CPNE8: variants seen among roughly 807,000 people sequenced by gnomAD.
CPNE8 encodes copine-8.
CPNE8 carries 45 observed loss-of-function variants against 81.5 expected under a neutral mutation model. That is an observed-to-expected ratio of 0.55 (90% CI 0.44 to 0.71). The LOEUF is 0.71. Among genes scored for constraint, CPNE8 ranks in the 30% least tolerant of loss-of-function variants. CPNE8 has a pLI of 0.00. For synonymous variants in CPNE8, 252 were observed against 226.3 expected (o/e 1.11, Z -1.02); for missense variants, 594 against 672.1 (o/e 0.88, Z 1.28).
intron 6 of CPNE8, among the ~76,000 whole-genome samples, chr12:38,807,690 G>C (rs1231041203): frequency 6.6e-6 from 1 of 151,008 alleles, no homozygotes; most frequent in Non-Finnish European, 1.5e-5. Context: ...ACATAGGCAT[G>C]GGCAAGGACT....
intron 1 of CPNE8, among the ~76,000 whole-genome samples, chr12:38,897,659 G>T (rs1055717636): frequency 2.0e-5 from 3 of 150,262 alleles, no homozygotes; most frequent in Non-Finnish European, 4.4e-5. Context: ...ATTGTATTAT[G>T]TATTATATAT....
intron 6 of CPNE8, among the ~76,000 whole-genome samples, chr12:38,807,513 A>T (rs907518797): frequency 6.6e-6 from 1 of 150,720 alleles, no homozygotes; most frequent in Non-Finnish European, 1.5e-5. Flanking sequence ...AGGATTCCCT[A>T]TTTAATAAAT....
At position 38,757,144 on chromosome 12, in the gene CPNE8, G is replaced by A. The variant is rs1051261682; in HGVS notation, c.722+3703C>T. ...AAAAAACATCCACTGAGCAAATAAT[G>A]TTTTTTAATAAGAAGAATTAAAAGT... is the stretch of plus-strand genomic sequence containing the variant. On this transcript the variant is annotated intron_variant, in intron 10 of 19. Transcript: ENST00000331366. 2.0e-5 allele frequency among the ~76,000 whole-genome samples: 3 copies of A among 152,126 alleles called. No individual in the cohort carries two copies. The East Asian group carries it at 5.8e-4, about 29-fold the overall frequency.
intron 10 of CPNE8, among the ~76,000 whole-genome samples, chr12:38,744,928 A>T (rs1389268378): frequency 6.6e-6 from 1 of 152,084 alleles, no homozygotes; most frequent in African/African-American, 2.4e-5. Context: ...TCTCCTAATG[A>T]CCTCCATAAT....
chr12:38,743,251 C>G (rs1422605327), intron 10 of CPNE8, among the ~76,000 whole-genome samples: 1 of 152,000 alleles, frequency 6.6e-6, no homozygotes, highest in Non-Finnish European at 1.5e-5. Flanking sequence ...ATTACAACCA[C>G]TAAATATGAA....
At chr12:38,789,781 G>A (rs1481263424) in intron 6 of CPNE8, among the ~76,000 whole-genome samples, 1 of 151,768 alleles carries the variant, frequency 6.6e-6, no homozygotes, top group African/African-American at 2.4e-5. Context: ...TTGAAAAAAT[G>A]GGCAAAAGAT....
At chr12:38,700,430 G>A (rs1311278545) in intron 14 of CPNE8, among the ~76,000 whole-genome samples, 1 of 151,622 alleles carries the variant, frequency 6.6e-6, no homozygotes, top group East Asian at 1.9e-4. Flanking sequence ...GTAGAGACGG[G>A]GTTTCACCAT....
chr12:38,797,753 G>C (rs964822860), intron 6 of CPNE8, among the ~76,000 whole-genome samples: 38 of 152,100 alleles, frequency 2.5e-4, no homozygotes, highest in African/African-American at 8.7e-4. Context: ...ACTACTCCGA[G>C]CTAAAGGAGG....
chr12:38,816,099 C>G (rs1389303204), intron 6 of CPNE8, among the ~76,000 whole-genome samples: 1 of 152,084 alleles, frequency 6.6e-6, no homozygotes, highest in Non-Finnish European at 1.5e-5. Context: ...GTAAGGTACA[C>G]ATGTAGCAAG....
chr12:38,868,061 T>A (rs1943940882), intron 3 of CPNE8, among the ~76,000 whole-genome samples: 1 of 152,148 alleles, frequency 6.6e-6, no homozygotes, highest in African/African-American at 2.4e-5. Flanking sequence ...AAGTGATTCA[T>A]CTCAGAACAT....
chr12:38,675,588 GAACATTATATACA>G, intron 18 of CPNE8, 116 bp downstream of exon 18: 1 of 632,182 alleles, frequency 1.6e-6, no homozygotes, highest in East Asian at 2.7e-5. Flanking sequence ...ATGGACACAT[GAACATTATATACA>G]AACCCAAATA....
At chr12:38,795,867 G>GGATAGATGGATAGATA (rs1555160628) in intron 6 of CPNE8, among the ~76,000 whole-genome samples, 1 of 148,134 alleles carries the variant, frequency 6.8e-6, no homozygotes. Context: ...ATGGATGGAT[G>GGATAGATGGATAGATA]GATAGATAGA....
chr12:38,835,915 T>C (rs1440829297), intron 5 of CPNE8, among the ~76,000 whole-genome samples: 2 of 152,142 alleles, frequency 1.3e-5, no homozygotes, highest in African/African-American at 2.4e-5. Context: ...ACCAAGTGGA[T>C]AAATGTATTT....
chr12:38,681,289 G>A (rs1000545358), intron 16 of CPNE8, among the ~76,000 whole-genome samples: 2 of 151,676 alleles, frequency 1.3e-5, no homozygotes, highest in Non-Finnish European at 2.9e-5. Context: ...ATTAATCAGG[G>A]GATGCTTAAA....
At chr12:38,713,202 GCTGA>G (rs1198792369) in intron 13 of CPNE8, among the ~76,000 whole-genome samples, 1 of 152,106 alleles carries the variant, frequency 6.6e-6, no homozygotes, top group Admixed American at 6.5e-5. Context: ...TTGAAATTGG[GCTGA>G]CTTTTTCGCA....
chr12:38,747,042 G>A (rs1941241142), intron 10 of CPNE8, among the ~76,000 whole-genome samples: 1 of 152,110 alleles, frequency 6.6e-6, no homozygotes, highest in Admixed American at 6.6e-5. Flanking sequence ...CTCTATTATT[G>A]CCATATAGAA....
At chr12:38,695,544 A>T (rs889964312) in intron 14 of CPNE8, among the ~76,000 whole-genome samples, 1 of 152,116 alleles carries the variant, frequency 6.6e-6, no homozygotes, top group African/African-American at 2.4e-5. Context: ...TGCCTTTTTA[A>T]TGTGTCCAGT....
intron 16 of CPNE8, among the ~76,000 whole-genome samples, chr12:38,681,526 T>C (rs1402531892): frequency 6.6e-6 from 1 of 152,174 alleles, no homozygotes; most frequent in African/African-American, 2.4e-5. Context: ...ATGATGCTTA[T>C]GTGTCAACTA....
rs1942408997 is a variant in CPNE8 at position 38,794,570 on chromosome 12, T to C, written c.408-18269A>G. On this transcript the variant is annotated intron_variant, in intron 6 of 19. Transcript: ENST00000331366. ...AAAAGATCTTCAACATGACTAATCATTAAGAAATGGAAATCAGATCCACAA... is the reference window on the plus strand; with the variant it reads ...AAAAGATCTTCAACATGACTAATCACTAAGAAATGGAAATCAGATCCACAA... 3.3e-5 allele frequency among the ~76,000 whole-genome samples: 5 copies of C among 151,826 alleles called. No homozygotes were observed. The South Asian group carries it at 1.0e-3, about 32-fold the overall frequency.
Sources: gnomAD v4.1 joint callset for allele counts (sites outside exome capture counted in the v4.1 genomes callset) on GRCh38, gnomAD v4.1.1 for gene constraint, MANE v1.5 for transcripts, NCBI Gene and HGNC (gene_info 2026-07-23, HGNC 2026-07-21) for gene names.